Variants in FHIT observed in about 807,000 individuals in gnomAD.
FHIT encodes bis(5'-adenosyl)-triphosphatase.
In FHIT, 19 loss-of-function variants were observed where a neutral mutation model predicts 17.9. The observed-to-expected ratio is 1.06, with a 90% CI of 0.74 to 1.56. The LOEUF (loss-of-function observed/expected upper bound fraction) is 1.56. FHIT is among the 40% of genes most tolerant of loss of function. FHIT has a pLI of 0.00. For synonymous variants in FHIT, 81 were observed against 69.7 expected (o/e 1.16, Z -0.81); for missense variants, 248 against 189.2 (o/e 1.31, Z -1.82).
intron 5 of FHIT, among the ~76,000 whole-genome samples, chr3:60,472,227 G>A (rs1442829944): frequency 6.6e-6 from 1 of 151,566 alleles, no homozygotes; most frequent in African/African-American, 2.4e-5. Flanking sequence ...ATTTCAATGA[G>A]GCAAAAACAA....
intron 5 of FHIT, among the ~76,000 whole-genome samples, chr3:60,509,488 A>G (rs1559501562): frequency 6.6e-6 from 1 of 152,232 alleles, no homozygotes; most frequent in African/African-American, 2.4e-5. Context: ...CACATTCATA[A>G]TCTTAATAAA....
chr3:60,173,042 G>T (rs1381019294), intron 5 of FHIT, among the ~76,000 whole-genome samples: 1 of 152,062 alleles, frequency 6.6e-6, no homozygotes, highest in African/African-American at 2.4e-5. Context: ...CATGGTATCT[G>T]AAAAGCAATT....
chr3:60,951,479 G>A (rs1177602346), intron 3 of FHIT, among the ~76,000 whole-genome samples: 2 of 152,160 alleles, frequency 1.3e-5, no homozygotes, highest in South Asian at 4.1e-4. Flanking sequence ...ACCGTAACAA[G>A]CAAACGAAGA....
At chr3:60,689,552 G>A (rs1559642052) in intron 4 of FHIT, among the ~76,000 whole-genome samples, 1 of 152,126 alleles carries the variant, frequency 6.6e-6, no homozygotes. Flanking sequence ...CAGATACCAA[G>A]GGACGACAGT....
intron 5 of FHIT, among the ~76,000 whole-genome samples, chr3:60,021,105 C>G (rs1298808205): frequency 6.6e-6 from 1 of 152,068 alleles, no homozygotes; most frequent in Non-Finnish European, 1.5e-5. Flanking sequence ...TGATAAATTC[C>G]AGAGCAGTGT....
rs145740961 is a variant in FHIT at position 60,763,267 on chromosome 3, C to T, written c.-18+58652G>A. ...TCATGGTGGGCTCACTGTCAATTCA[C>T]GACTGTAAGTCTGTTATGATTGTAT... On this transcript the variant is annotated intron_variant, in intron 4 of 9. Coordinates refer to ENST00000492590, the MANE Select transcript of FHIT (RefSeq NM_002012.4). Among the ~76,000 whole-genome samples, 38 of 152,196 alleles carry T rather than the reference C, an allele frequency of 2.5e-4. 1 individual carries two copies. Among genetic ancestry groups the T allele is most frequent in the African/African-American group, 6.7e-4 (28 of 41,538 alleles).
intron 4 of FHIT, among the ~76,000 whole-genome samples, chr3:60,602,020 TCAAG>T (rs1314377450): frequency 6.6e-6 from 1 of 151,798 alleles, no homozygotes; most frequent in African/African-American, 2.4e-5. Context: ...AGGAACTTGT[TCAAG>T]CAAACAAAGT....
chr3:61,041,989 G>A (rs1217016315), intron 3 of FHIT, 58 bp downstream of exon 3: 12 of 152,214 alleles, frequency 7.9e-5, no homozygotes, highest in Admixed American at 7.9e-4. Context: ...GTGGCCAGGT[G>A]ACTTTAGCCA....
intron 8 of FHIT, among the ~76,000 whole-genome samples, chr3:59,842,926 C>T (rs1701585776): frequency 6.6e-6 from 1 of 152,056 alleles, no homozygotes; most frequent in Admixed American, 6.6e-5. Flanking sequence ...TCCAATTCAT[C>T]TATTTTTCCT....
chr3:60,251,123 G>A (rs745936233), intron 5 of FHIT, among the ~76,000 whole-genome samples: 10 of 152,132 alleles, frequency 6.6e-5, no homozygotes, highest in Non-Finnish European at 1.2e-4. Flanking sequence ...GCAATCGAGG[G>A]GAAAGAGCTT....
intron 3 of FHIT, among the ~76,000 whole-genome samples, chr3:60,981,803 A>G (rs1710509419): frequency 6.8e-6 from 1 of 148,046 alleles, no homozygotes; most frequent in African/African-American, 2.5e-5. Flanking sequence ...GGGTCTTGCC[A>G]TGTTACCCAG....
At chr3:60,677,241 G>C (rs2040642197) in intron 4 of FHIT, among the ~76,000 whole-genome samples, 3 of 152,130 alleles carry the variant, frequency 2.0e-5, no homozygotes, top group African/African-American at 4.8e-5. Flanking sequence ...ATACCGCATA[G>C]TGGTCAAGTC....
chr3:60,451,966 G>A (rs559527689), intron 5 of FHIT, among the ~76,000 whole-genome samples: 1 of 152,182 alleles, frequency 6.6e-6, no homozygotes, highest in Admixed American at 6.5e-5. Flanking sequence ...TCTCAAATCC[G>A]AGCCACAATT....
chr3:60,722,875 G>A (rs1309851597), intron 4 of FHIT, among the ~76,000 whole-genome samples: 1 of 151,754 alleles, frequency 6.6e-6, no homozygotes. Context: ...GGCAGGAGCC[G>A]CCACATCCAG....
chr3:61,171,227 C>T (rs983998854), intron 2 of FHIT, among the ~76,000 whole-genome samples: 2 of 152,064 alleles, frequency 1.3e-5, no homozygotes, highest in African/African-American at 4.8e-5. Flanking sequence ...TTTTTGCACA[C>T]GATTTTTGGC....
At chr3:60,757,605 G>T (rs938883808) in intron 4 of FHIT, among the ~76,000 whole-genome samples, 1 of 152,156 alleles carries the variant, frequency 6.6e-6, no homozygotes, top group Admixed American at 6.5e-5. Flanking sequence ...GCTCTTCCTG[G>T]GAAGTGGCAG....
At chr3:60,388,119 A>T (rs1701082346) in intron 5 of FHIT, among the ~76,000 whole-genome samples, 1 of 152,092 alleles carries the variant, frequency 6.6e-6, no homozygotes, top group Middle Eastern at 3.2e-3. Flanking sequence ...AGCCGAATAA[A>T]CCCCTTTCTT....
intron 2 of FHIT, among the ~76,000 whole-genome samples, chr3:61,125,418 C>T (rs921517829): frequency 6.6e-6 from 1 of 152,034 alleles, no homozygotes; most frequent in African/African-American, 2.4e-5. Context: ...AGAAAAAGTT[C>T]TTTGTTTTGT....
At chr3:59,856,028 G>A (rs190158058) in intron 8 of FHIT, among the ~76,000 whole-genome samples, 96 of 152,110 alleles carry the variant, frequency 6.3e-4, no homozygotes, top group African/African-American at 2.2e-3. Context: ...TGATCCACCC[G>A]CCTCGGCCTC....
Sources: gnomAD v4.1 joint callset for allele counts (sites outside exome capture counted in the v4.1 genomes callset) on GRCh38, gnomAD v4.1.1 for gene constraint, MANE v1.5 for transcripts, NCBI Gene and HGNC (gene_info 2026-07-23, HGNC 2026-07-21) for gene names.